Variants in WDR81 observed in about 807,000 individuals in gnomAD.
WDR81 encodes WD repeat-containing protein 81.
Under a neutral mutation model 140.8 loss-of-function variants are expected in WDR81, and 92 were observed. The observed-to-expected ratio is 0.65, with a 90% CI of 0.55 to 0.78. WDR81 has a LOEUF of 0.78. Among genes scored for constraint, WDR81 ranks in the 30% least tolerant of loss-of-function variants. The pLI, the probability that WDR81 is intolerant of heterozygous loss-of-function variation, is 0.00. For missense variants in WDR81, 2,502 were observed against 2,636.4 expected (o/e 0.95, Z 1.12); for synonymous variants, 1,183 against 1,156.4 (o/e 1.02, Z -0.47).
Position 1,725,223 on chromosome 17 carries a change from G to A in WDR81, c.264G>A (p.Arg88=), listed in dbSNP as rs1915147931. The change falls in exon 1 of 10, where the codon AGG becomes AGA. Residue 88 remains arginine, a synonymous_variant. Coordinates refer to ENST00000409644, the MANE Select transcript of WDR81 (RefSeq NM_001163809.2). ...RAEGLGEAEV[R]TLLQRSVQRL... ...AGGGCCTGGGAGAAGCGGAAGTCAG[G>A]ACTCTCCTGCAGCGCTCTGTGCAAA... The A allele has an allele frequency of 6.5e-7, 1 of 1,539,948 alleles. No homozygotes were observed. The highest frequency in any genetic ancestry group is 1.2e-5 in the South Asian group (1 of 84,060).
At position 1,735,985 on chromosome 17, in the gene WDR81, G is replaced by T; in HGVS notation, c.5326-54G>T. 2 of 1,549,648 alleles carry T rather than the reference G, an allele frequency of 1.3e-6. No homozygotes were observed. Among genetic ancestry groups the T allele is most frequent in the South Asian group, 1.2e-5 (1 of 82,602 alleles). On this transcript the variant is annotated intron_variant, in intron 8 of 9. Coordinates refer to ENST00000409644, the MANE Select transcript of WDR81 (RefSeq NM_001163809.2). This position sits in a 1 kb window ranked among gnomAD's most constrained non-coding sequence, Gnocchi z 4.2. The stretch of plus-strand genomic sequence containing the variant: ...GGGCTTGGGTGGTGGGCAGGGCCTT[G>T]GGGAGTGTGAGATGGGAAGGTGGTG...
At chr17:1,731,317 G>A (rs374270270) in intron 4 of WDR81, 59 bp downstream of exon 4, 138 of 1,555,000 alleles carry the variant, frequency 8.9e-5, no homozygotes, top group East Asian at 8.7e-4. Flanking sequence ...CTGCCCAGGA[G>A]GGGGTGGGAA....
At chr17:1,718,059 A>C (rs1914674193) in intron 1 of WDR81, among the ~76,000 whole-genome samples, 1 of 151,838 alleles carries the variant, frequency 6.6e-6, no homozygotes, top group Non-Finnish European at 1.5e-5. Flanking sequence ...CTCCATGGAC[A>C]GGTGTCTGCT....
chr17:1,720,045 AT>A (rs1339663778), upstream of WDR81, among the ~76,000 whole-genome samples: 1 of 152,212 alleles, frequency 6.6e-6, no homozygotes, highest in Non-Finnish European at 1.5e-5. Context: ...CCTAGCGTAG[AT>A]TTAATTAGAA....
intron 1 of WDR81, 93 bp downstream of exon 1, chr17:1,728,719 C>A: frequency 1.5e-6 from 2 of 1,365,204 alleles, no homozygotes; most frequent in South Asian, 4.2e-5. Context: ...CTTTGGGAGG[C>A]TGAGGCGGGC....
chr17:1,735,682 C>T lies in WDR81; in HGVS notation c.5290C>T (p.Leu1764=). 1.9e-6 allele frequency: 3 copies of T among 1,612,958 alleles called. No homozygotes were observed. Among genetic ancestry groups the T allele is most frequent in the Non-Finnish European group, 2.5e-6 (3 of 1,179,882 alleles). Residue 1764 remains leucine, a synonymous_variant, in exon 8 of 10, where the codon CTG becomes TTG. Transcript: ENST00000409644. This position sits in a 1 kb window ranked among gnomAD's most constrained non-coding sequence, Gnocchi z 4.2. ...SITMASSDST[L]RFVDCRKPGL... is the part of the protein sequence containing the mutation. The stretch of plus-strand genomic sequence containing the variant: ...CACCATGGCCAGCTCTGACTCTACC[C>T]TGCGCTTTGTGGACTGCAGGAAGCC...
chr17:1,726,885 C>G lies in WDR81; in HGVS notation c.1926C>G (p.Pro642=). 6.4e-7 allele frequency: 1 copy of G among 1,550,402 alleles called. No homozygotes were observed. Among genetic ancestry groups the G allele is most frequent in the East Asian group, 2.4e-5 (1 of 40,928 alleles). Residue 642 remains proline, a synonymous_variant, in exon 1 of 10, where the codon CCC becomes CCG. Coordinates refer to ENST00000409644, the MANE Select transcript of WDR81 (RefSeq NM_001163809.2). ...GVGRPVLEAT[P]CEASWTRDRP... ...GCCGGCCAGTTTTAGAGGCCACTCC[C>G]TGTGAGGCTAGCTGGACCAGAGACA...
At chr17:1,720,009 C>A (rs923049465), upstream of WDR81, among the ~76,000 whole-genome samples, 1 of 152,122 alleles carries the variant, frequency 6.6e-6, no homozygotes, top group African/African-American at 2.4e-5. Context: ...TTAGAAAACA[C>A]CTAGCATAGA....
In WDR81 at chr17:1,735,535, G is replaced by T; in HGVS notation, c.5180-37G>T. On this transcript the variant is annotated intron_variant, in intron 7 of 9. Transcript: ENST00000409644. The surrounding 1 kb of genome is among the most constrained non-coding windows in gnomAD (Gnocchi z 4.2). ...AGCTCCCAGGGCTCTTCCGTCAGCT[G>T]CTGGGACCCCAGATCCACTGTGACT... 6.5e-7 allele frequency: 1 copy of T among 1,549,976 alleles called. No homozygotes were observed. The highest frequency in any genetic ancestry group is 8.7e-7 in the Non-Finnish European group (1 of 1,145,516).
chr17:1,720,189 G>A (rs1914788853), upstream of WDR81, among the ~76,000 whole-genome samples: 1 of 152,160 alleles, frequency 6.6e-6, no homozygotes, highest in South Asian at 2.1e-4. Context: ...GACTGGTGGG[G>A]CAGCTGCAGC....
Position 1,733,696 on chromosome 17 carries a change from C to A in WDR81, c.4659C>A (p.Asp1553Glu), listed in dbSNP as rs779468332. Reference sequence around the variant, plus strand: ...ATGGTGGGGGCTGCCCTCAGGATGACGGCCACTCAGGGACCTTTGGGAGCG... The same window carrying A: ...ATGGTGGGGGCTGCCCTCAGGATGAAGGCCACTCAGGGACCTTTGGGAGCG... ...DPHGGGCPQD[D>E]GHSGTFGSVL... Residue 1553 changes from aspartate (D) to glutamate (E), a missense_variant, in exon 7 of 10, where the codon GAC becomes GAA. Physicochemically the swap from Asp to Glu is conservative, Grantham distance 45 (BLOSUM62 2). This residue lies in a region of WDR81 where 1,737 missense variants were observed against 1,843.0 expected (regional missense o/e 0.94). Transcript: ENST00000409644. 2.5e-5 allele frequency: 40 copies of A among 1,612,176 alleles called. No individual in the cohort carries two copies. The highest frequency in any genetic ancestry group is 3.3e-5 in the Non-Finnish European group (39 of 1,179,680).
At chr17:1,717,467 C>T (rs1351529312) in intron 1 of WDR81, among the ~76,000 whole-genome samples, 3 of 152,178 alleles carry the variant, frequency 2.0e-5, no homozygotes, top group South Asian at 2.1e-4. Context: ...TGAGATCCTT[C>T]CTTCTGTTAA....
Position 1,725,014 on chromosome 17 carries a change from T to C in WDR81, c.55T>C (p.Trp19Arg). Residue 19 changes from tryptophan (W) to arginine (R), a missense_variant, in exon 1 of 10, where the codon TGG becomes CGG. Coordinates refer to ENST00000409644, the MANE Select transcript of WDR81 (RefSeq NM_001163809.2). ...EGALRTPAGGWHSPPSPDMQE... is the reference protein window; with the variant it reads ...EGALRTPAGGRHSPPSPDMQE... Reference sequence around the variant, plus strand: ...CGCTCTCAGAACCCCGGCCGGGGGCTGGCATTCCCCGCCAAGCCCAGACAT... The same window carrying C: ...CGCTCTCAGAACCCCGGCCGGGGGCCGGCATTCCCCGCCAAGCCCAGACAT... The C allele has an allele frequency of 6.8e-7, 1 of 1,473,118 alleles. No individual in the cohort carries two copies. The highest frequency in any genetic ancestry group is 9.0e-7 in the Non-Finnish European group (1 of 1,114,154). 91.3% of individuals were successfully genotyped at this position (1,473,118 alleles called of 1,614,324 possible).
chr17:1,736,282 G>C, intron 9 of WDR81, 64 bp downstream of exon 9: 2 of 1,537,124 alleles, frequency 1.3e-6, no homozygotes, highest in Non-Finnish European at 1.7e-6. Flanking sequence ...CATCACCCCT[G>C]CTTAGGGTCT....
At position 1,734,076 on chromosome 17, in the gene WDR81, A is replaced by T; in HGVS notation, c.5039A>T (p.Tyr1680Phe). 1 of 1,604,744 alleles carries T rather than the reference A, an allele frequency of 6.2e-7. No homozygotes were observed. Among genetic ancestry groups the T allele is most frequent in the Non-Finnish European group, 8.5e-7 (1 of 1,179,878 alleles). The change falls in exon 7 of 10, where the codon TAC (tyrosine) becomes TTC (phenylalanine). Residue 1680 changes from tyrosine (Y) to phenylalanine (F), a missense_variant. Around this residue, in one of 3 missense-constraint regions of WDR81, gnomAD observed 1,737 missense variants for 1,843.0 expected, o/e 0.94. Transcript: ENST00000409644. ...GTGCGCCTCTGGCCGCTGTACAACTACGGCGACGGGACCAGCGAGACGGCC... is the reference window on the plus strand; with the variant it reads ...GTGCGCCTCTGGCCGCTGTACAACTTCGGCGACGGGACCAGCGAGACGGCC... ...RTVRLWPLYN[Y>F]GDGTSETAPR... is the part of the protein sequence containing the mutation.
upstream of WDR81, among the ~76,000 whole-genome samples, chr17:1,722,745 T>G (rs1014070358): frequency 1.4e-5 from 2 of 147,704 alleles, no homozygotes; most frequent in African/African-American, 5.0e-5. Context: ...CAGGCTGGAG[T>G]GCAGTGGTGT....
intron 1 of WDR81, among the ~76,000 whole-genome samples, 181 bp downstream of exon 1, chr17:1,728,807 G>A (rs1446559032): frequency 2.6e-5 from 4 of 152,016 alleles, no homozygotes; most frequent in Non-Finnish European, 5.9e-5. Context: ...CAAAAAAATA[G>A]CCGGGCGTGG....
rs1233157922 is a variant in WDR81, at chr17:1,730,260, G to T, written c.3668-120G>T. On this transcript the variant is annotated intron_variant, in intron 1 of 9. Transcript: ENST00000409644. ...GGGGGTGGTGTGGGACAGCCGGCCC[G>T]GGCTGGGCTCTTGGCAGAGCTGCAG... 6 of 797,092 alleles carry T rather than the reference G, an allele frequency of 7.5e-6. No homozygotes were observed. In the African/African-American group the frequency reaches 1.0e-4, roughly 14 times the overall value. The allele number at this position is 797,092 out of a possible 1,614,324, so 49.4% of individuals were successfully genotyped here.
Position 1,727,136 on chromosome 17 carries a change from A to T in WDR81, c.2177A>T (p.Asn726Ile). Reference sequence around the variant, plus strand: ...AGGATTCTTCTTCCCGAGGGCTTCAATCCCATGCAGGCCCTGGAGGAGCTG... The same window carrying T: ...AGGATTCTTCTTCCCGAGGGCTTCATTCCCATGCAGGCCCTGGAGGAGCTG... The part of the protein sequence containing the change: ...EGRILLPEGF[N>I]PMQALEELEK... Residue 726 changes from asparagine to isoleucine, a missense_variant, in exon 1 of 10, where the codon AAT becomes ATT. By Grantham distance (149) the Asn-to-Ile change is moderately radical (BLOSUM62 -3). Transcript: ENST00000409644. 1 of 1,547,818 alleles carries T rather than the reference A, an allele frequency of 6.5e-7. No individual in the cohort carries two copies. The highest frequency in any genetic ancestry group is 1.7e-4 in the Middle Eastern group (1 of 5,970).
Sources: gnomAD v4.1 joint callset for allele counts (sites outside exome capture counted in the v4.1 genomes callset) on GRCh38, gnomAD v4.1.1 for gene constraint, gnomAD v4.1.1 regional missense constraint, Gnocchi (gnomAD v3.1) non-coding constraint, MANE v1.5 for transcripts, NCBI Gene and HGNC (gene_info 2026-07-23, HGNC 2026-07-21) for gene names.